The following POLA1 variants were observed in gnomAD, a reference collection of about 807,000 sequenced individuals.
The protein encoded by POLA1 is DNA polymerase alpha catalytic subunit.
A neutral mutation model predicts 124.0 loss-of-function variants in POLA1; 15 were observed. The observed-to-expected ratio is 0.12, with a 90% CI of 0.08 to 0.19. The LOEUF (loss-of-function observed/expected upper bound fraction) is 0.19, where lower values mean the gene tolerates loss of function less well. Among genes scored for constraint, POLA1 ranks in the 10% least tolerant of loss-of-function variants. The probability of loss-of-function intolerance (pLI) is 1.00; values close to 1 mark genes in which losing one functional copy is unlikely to be tolerated. For missense variants in POLA1, 886 were observed against 1,103.4 expected (o/e 0.80, Z 2.79); for synonymous variants, 408 against 389.4 (o/e 1.05, Z -0.56).
chrX:24,931,955 G>A (rs1376899039), intron 36 of POLA1, among the ~76,000 whole-genome samples: 1 of 111,744 alleles, frequency 8.9e-6, no homozygotes, highest in African/African-American at 3.3e-5. Flanking sequence ...CTGGAGTGCA[G>A]TGGCACGGTC....
chrX:24,995,832 C>A lies in POLA1; in HGVS notation c.4289C>A (p.Pro1430His), dbSNP rs1163841128. The change falls in exon 37 of 37, where the codon CCC becomes CAC. Residue 1430 changes from proline (P) to histidine (H), a missense_variant. By Grantham distance (77) the Pro-to-His change is moderately conservative. This residue lies in a region of POLA1 where 313 missense variants were observed against 359.7 expected (regional missense o/e 0.87). Coordinates refer to ENST00000379068, the MANE Select transcript of POLA1 (RefSeq NM_001330360.2). The part of the protein sequence containing the change: ...KDKLKKQFFT[P>H]KVLQDYRKLK... ...AAATTGAAGAAGCAATTTTTTACCCCCAAAGTTCTGCAGGACTACAGAAAA... is the reference window on the plus strand; with the variant it reads ...AAATTGAAGAAGCAATTTTTTACCCACAAAGTTCTGCAGGACTACAGAAAA... 2 of 1,205,230 alleles carry A rather than the reference C, an allele frequency of 1.7e-6. No homozygotes were observed. Among genetic ancestry groups the A allele is most frequent in the African/African-American group, 3.5e-5 (2 of 56,923 alleles).
At chrX:24,814,456 A>G (rs1363755287) in intron 29 of POLA1, among the ~76,000 whole-genome samples, 5 of 111,999 alleles carry the variant, frequency 4.5e-5, no homozygotes, top group Non-Finnish European at 7.5e-5. Flanking sequence ...AATGAAGGTG[A>G]AGAAAGAAAA....
intron 36 of POLA1, among the ~76,000 whole-genome samples, chrX:24,933,253 T>C (rs1432766397): frequency 9.0e-6 from 1 of 111,584 alleles, no homozygotes; most frequent in Non-Finnish European, 1.9e-5. Flanking sequence ...ATTCTTATAG[T>C]AGAGAGGAGA....
chrX:24,868,021 C>A (rs900736668), intron 34 of POLA1, among the ~76,000 whole-genome samples: 5 of 111,749 alleles, frequency 4.5e-5, no homozygotes, highest in African/African-American at 1.6e-4. Context: ...TTATTTTCTC[C>A]TAGTGTTCCC....
intron 36 of POLA1, among the ~76,000 whole-genome samples, chrX:24,937,398 C>T (rs1430672111): frequency 9.0e-6 from 1 of 111,346 alleles, no homozygotes; most frequent in Non-Finnish European, 1.9e-5. Context: ...TATAGCTTTT[C>T]TTTTTCTTTA....
intron 34 of POLA1, among the ~76,000 whole-genome samples, chrX:24,862,669 G>T (rs959918690): frequency 8.9e-6 from 1 of 111,755 alleles, no homozygotes; most frequent in Non-Finnish European, 1.9e-5. Context: ...GAGCTTTGGG[G>T]CAATCCTCTG....
At chrX:24,713,540 C>T (rs752666767) in intron 4 of POLA1, among the ~76,000 whole-genome samples, 5 of 111,414 alleles carry the variant, frequency 4.5e-5, no homozygotes, top group South Asian at 3.8e-4. Flanking sequence ...CTCAGCCTCT[C>T]GAGTAGCTGG....
rs11573359 is a variant in POLA1 at position 24,738,188 on chromosome X, C to T, written c.2040+447C>T. On this transcript the variant is annotated intron_variant, in intron 19 of 36. Coordinates refer to ENST00000379068, the MANE Select transcript of POLA1 (RefSeq NM_001330360.2). ...AGATTGCGCCACTGCAGTCCGCAGT[C>T]CGGCCTGGGCGACAGAGCGAGACTC... is the stretch of plus-strand genomic sequence containing the variant. Among the ~76,000 whole-genome samples, 40 of 86,731 alleles carry T rather than the reference C, an allele frequency of 4.6e-4. 1 individual carries two copies. The highest frequency in any genetic ancestry group is 7.2e-4 in the Non-Finnish European group (35 of 48,879). 75.3% of individuals were successfully genotyped at this position (86,731 alleles called of 115,157 possible).
At chrX:24,886,300 C>T (rs911244805) in intron 34 of POLA1, among the ~76,000 whole-genome samples, 6 of 111,875 alleles carry the variant, frequency 5.4e-5, no homozygotes, top group Non-Finnish European at 9.4e-5. Flanking sequence ...GCATATATTA[C>T]AAGTTTCATT....
chrX:24,773,950 C>G (rs1271883093), intron 26 of POLA1, among the ~76,000 whole-genome samples: 2 of 111,842 alleles, frequency 1.8e-5, no homozygotes, highest in East Asian at 5.6e-4. Flanking sequence ...TACCAATTAG[C>G]TCTACTCAAT....
intron 31 of POLA1, among the ~76,000 whole-genome samples, chrX:24,821,806 A>G (rs747614958): frequency 1.9e-4 from 21 of 112,290 alleles, no homozygotes; most frequent in Non-Finnish European, 3.4e-4. Context: ...TTAACCCTAA[A>G]TTAACTTTAA....
At chrX:24,754,270 G>T (rs1222920161) in intron 26 of POLA1, among the ~76,000 whole-genome samples, 1 of 107,818 alleles carries the variant, frequency 9.3e-6, no homozygotes. Context: ...TTTGTGGGGG[G>T]CAGGGGGGCA....
chrX:24,958,811 G>A (rs993441896), intron 36 of POLA1, among the ~76,000 whole-genome samples: 1 of 111,300 alleles, frequency 9.0e-6, no homozygotes, highest in Non-Finnish European at 1.9e-5. Flanking sequence ...TGAAAACATT[G>A]GTTTATCGAG....
chrX:24,821,431 C>T, intron 30 of POLA1, 21 bp from the exon 31 acceptor site: 1 of 1,187,406 alleles, frequency 8.4e-7, no homozygotes, highest in Non-Finnish European at 1.1e-6. Context: ...AGGCTTAGAA[C>T]TTTTTTGTTC....
At chrX:24,853,216 C>T (rs1331332831) in intron 34 of POLA1, among the ~76,000 whole-genome samples, 8 of 112,260 alleles carry the variant, frequency 7.1e-5, no homozygotes, top group Non-Finnish European at 1.1e-4. Flanking sequence ...CACAGTGGTT[C>T]TCAAACCTTT....
At chrX:24,869,026 C>G (rs2046830973) in intron 34 of POLA1, among the ~76,000 whole-genome samples, 1 of 111,815 alleles carries the variant, frequency 8.9e-6, no homozygotes, top group African/African-American at 3.3e-5. Context: ...GCCTTGACCT[C>G]CTGGTCAAGC....
chrX:24,838,755 A>C (rs1257811429), intron 32 of POLA1, among the ~76,000 whole-genome samples: 1 of 112,663 alleles, frequency 8.9e-6, no homozygotes, highest in East Asian at 2.8e-4. Context: ...AGTGACAACA[A>C]TTAAAAATGG....
At chrX:24,841,563 A>C in intron 32 of POLA1, 89 bp from the exon 33 acceptor site, 1 of 502,895 alleles carries the variant, frequency 2.0e-6, no homozygotes, top group Non-Finnish European at 3.1e-6. Context: ...TATGTGCATG[A>C]ATTTAAAATA....
At chrX:24,834,335 G>C (rs2147044321) in intron 32 of POLA1, among the ~76,000 whole-genome samples, 1 of 111,436 alleles carries the variant, frequency 9.0e-6, no homozygotes, top group Admixed American at 9.5e-5. Context: ...TAAACCAAAG[G>C]CTCGGCTATT....
Sources: gnomAD v4.1 joint callset for allele counts (sites outside exome capture counted in the v4.1 genomes callset) on GRCh38, gnomAD v4.1.1 for gene constraint, gnomAD v4.1.1 regional missense constraint, MANE v1.5 for transcripts, NCBI Gene and HGNC (gene_info 2026-07-23, HGNC 2026-07-21) for gene names.